The following EBF1 variants were observed in gnomAD, a reference collection of about 807,000 sequenced individuals.
EBF1 encodes the protein EBF transcription factor 1.
Under a neutral mutation model 68.4 loss-of-function variants are expected in EBF1, and 10 were observed. That is an observed-to-expected ratio of 0.15 (90% CI 0.09 to 0.25). The LOEUF (loss-of-function observed/expected upper bound fraction) is 0.25. Ranked by LOEUF, EBF1 falls within the 10% of genes least tolerant of loss-of-function variation. The pLI is 1.00. For missense variants in EBF1, 509 were observed against 794.4 expected, an observed-to-expected ratio of 0.64 and a Z score of 4.32; for synonymous variants, 298 against 299.8, an observed-to-expected ratio of 0.99 and a Z score of 0.06.
At chr5:158,954,496 T>G (rs1359048920) in intron 6 of EBF1, among the ~76,000 whole-genome samples, 1 of 152,264 alleles carries the variant, frequency 6.6e-6, no homozygotes, top group Non-Finnish European at 1.5e-5. Flanking sequence ...AATGAATTGT[T>G]CTTAGGGTGC....
rs200356091 is a variant in EBF1 at position 158,699,090 on chromosome 5, C to T, written c.*21G>A. 1.9e-6 allele frequency: 3 copies of T among 1,599,628 alleles called. No homozygotes were observed. Among genetic ancestry groups the T allele is most frequent in the East Asian group, 2.2e-5 (1 of 44,544 alleles). On this transcript the variant is annotated 3_prime_UTR_variant, in exon 16 of 16. Transcript: ENST00000313708. ...GCAGAATCCAACCTCTTCATTAATA[C>T]AATTCTTCAAGGCAATTCTTTCACA...
chr5:158,924,852 C>CAAAAAAAAAAAA (rs34744460), intron 6 of EBF1, among the ~76,000 whole-genome samples: 1 of 50,894 alleles, frequency 2.0e-5, no homozygotes. Flanking sequence ...GACTCTGTCT[C>CAAAAAAAAAAAA]AAAAAAAAAA....
chr5:158,753,947 T>C (rs1769484855), intron 10 of EBF1, among the ~76,000 whole-genome samples: 1 of 150,568 alleles, frequency 6.6e-6, no homozygotes, highest in African/African-American at 2.4e-5. Context: ...TAGCCCTAGA[T>C]TTTTTTTTTC....
At chr5:159,084,585 A>AG in intron 5 of EBF1, 81 bp downstream of exon 5, 1 of 1,271,850 alleles carries the variant, frequency 7.9e-7, no homozygotes, top group Non-Finnish European at 1.0e-6. Context: ...AAAAAAAAAA[A>AG]AGACCAAAGT....
chr5:158,870,117 C>G (rs1371548332), intron 6 of EBF1, among the ~76,000 whole-genome samples: 1 of 152,122 alleles, frequency 6.6e-6, no homozygotes, highest in African/African-American at 2.4e-5. Flanking sequence ...AGAGAGCCCA[C>G]AACAGAAGTG....
chr5:158,806,939 C>T lies in EBF1; in HGVS notation c.779-10464G>A, dbSNP rs565491017. Among the ~76,000 whole-genome samples the T allele has an allele frequency of 3.0e-4, 46 of 152,240 alleles. No homozygotes were observed. The East Asian group carries it at 5.2e-3, about 17-fold the overall frequency. ...CCCATTACAGTAGCCACTAGCTACACGCAGCTATTTACATTTAATTTTCAA... is the reference window on the plus strand; with the variant it reads ...CCCATTACAGTAGCCACTAGCTACATGCAGCTATTTACATTTAATTTTCAA... On this transcript the variant is annotated intron_variant, in intron 8 of 15. Coordinates refer to ENST00000313708, the MANE Select transcript of EBF1 (RefSeq NM_024007.5).
At chr5:158,907,842 T>C (rs994955562) in intron 6 of EBF1, among the ~76,000 whole-genome samples, 1 of 151,980 alleles carries the variant, frequency 6.6e-6, no homozygotes, top group African/African-American at 2.4e-5. Flanking sequence ...TCTTTTGTTC[T>C]CAGCGCATTT....
chr5:158,929,421 G>T (rs947277915), intron 6 of EBF1, among the ~76,000 whole-genome samples: 1 of 152,150 alleles, frequency 6.6e-6, no homozygotes, highest in African/African-American at 2.4e-5. Flanking sequence ...ATGCAAAACA[G>T]CCAAGAGTAA....
intron 7 of EBF1, among the ~76,000 whole-genome samples, chr5:158,839,665 G>A (rs1282755023): frequency 1.3e-5 from 2 of 152,224 alleles, no homozygotes; most frequent in Non-Finnish European, 2.9e-5. Context: ...TTACAGGCAT[G>A]AGCCACTGCG....
At chr5:158,706,432 T>C (rs982875602) in intron 15 of EBF1, among the ~76,000 whole-genome samples, 1 of 152,142 alleles carries the variant, frequency 6.6e-6, no homozygotes, top group East Asian at 1.9e-4. Flanking sequence ...TTATTAGCCA[T>C]GTGACCTGGA....
At chr5:158,969,854 AAG>A (rs375069008) in intron 6 of EBF1, among the ~76,000 whole-genome samples, 1,174 of 59,742 alleles carry the variant, frequency 0.02, 10 homozygotes, top group Middle Eastern at 0.029. Flanking sequence ...GAAAGAAAGA[AAG>A]AAAGAAAGAA....
chr5:158,797,299 C>T (rs1178582176), intron 8 of EBF1, among the ~76,000 whole-genome samples: 1 of 152,198 alleles, frequency 6.6e-6, no homozygotes, highest in Non-Finnish European at 1.5e-5. Flanking sequence ...ATACTTTCAA[C>T]AGAATTGCTG....
At chr5:158,988,342 A>G (rs1467283121) in intron 6 of EBF1, among the ~76,000 whole-genome samples, 3 of 152,134 alleles carry the variant, frequency 2.0e-5, no homozygotes. Context: ...CTCTTTCCCT[A>G]TACGCTGACT....
rs112359679 is a variant in EBF1, at chr5:159,065,320, T to C, written c.554+8076A>G. On this transcript the variant is annotated intron_variant, in intron 6 of 15. Transcript: ENST00000313708. ...CAGCTGGGCTCCTGACTCCTCGGCA[T>C]GCACCAGCAGAGTCTAAGTCGCGTG... is the stretch of plus-strand genomic sequence containing the variant. Among the ~76,000 whole-genome samples the C allele has an allele frequency of 9.7e-3, 1,472 of 152,268 alleles. 33 individuals are homozygous for C. Among genetic ancestry groups the C allele is most frequent in the African/African-American group, 0.034 (1,420 of 41,552 alleles).
chr5:158,781,575 C>T (rs751422584), intron 9 of EBF1, among the ~76,000 whole-genome samples: 3 of 152,148 alleles, frequency 2.0e-5, no homozygotes, highest in Non-Finnish European at 4.4e-5. Flanking sequence ...CATCTTACTA[C>T]CTGTAAATAT....
chr5:158,813,724 A>G (rs1013417757), intron 8 of EBF1, among the ~76,000 whole-genome samples: 1 of 152,226 alleles, frequency 6.6e-6, no homozygotes, highest in African/African-American at 2.4e-5. Context: ...ATCAAAGTAC[A>G]TACTCAAAGT....
intron 11 of EBF1, among the ~76,000 whole-genome samples, chr5:158,729,026 T>C (rs1196616705): frequency 1.3e-5 from 2 of 152,174 alleles, no homozygotes; most frequent in East Asian, 1.9e-4. Context: ...GTTCAACTGC[T>C]CACCAGGATT....
intron 7 of EBF1, 124 bp downstream of exon 7, chr5:158,839,905 C>T: frequency 1.2e-6 from 1 of 846,888 alleles, no homozygotes; most frequent in Non-Finnish European, 2.0e-6. Flanking sequence ...ACCTGGGGGA[C>T]CAAGGGCCTC....
intron 7 of EBF1, among the ~76,000 whole-genome samples, chr5:158,830,947 A>G (rs567949863): frequency 2.0e-5 from 3 of 152,304 alleles, no homozygotes; most frequent in Admixed American, 1.3e-4. Context: ...ACAGGAAGAC[A>G]AGAACAGACA....
Sources: gnomAD v4.1 joint callset for allele counts (sites outside exome capture counted in the v4.1 genomes callset) on GRCh38, gnomAD v4.1.1 for gene constraint, MANE v1.5 for transcripts, NCBI Gene and HGNC (gene_info 2026-07-23, HGNC 2026-07-21) for gene names.